The following GABRB3 variants were observed in gnomAD, a reference collection of about 807,000 sequenced individuals.
GABRB3 encodes gamma-aminobutyric acid type A receptor subunit beta3.
A neutral mutation model predicts 52.1 loss-of-function variants in GABRB3; 14 were observed. That is an observed-to-expected ratio of 0.27 (90% CI 0.18 to 0.42). GABRB3 has a LOEUF of 0.42. GABRB3 is among the 10% of genes least tolerant of loss of function. GABRB3 has a pLI of 1.00. For missense variants in GABRB3, 307 were observed against 609.1 expected (o/e 0.50, Z 5.22); for synonymous variants, 260 against 232.3 (o/e 1.12, Z -1.08).
At chr15:26,583,554 A>G (rs1890865137) in intron 4 of GABRB3, 140 bp from the exon 5 acceptor site, 1 of 666,182 alleles carries the variant, frequency 1.5e-6, no homozygotes, top group South Asian at 1.7e-5. Context: ...CTATATATAG[A>G]GAGAAACTTG....
intron 3 of GABRB3, among the ~76,000 whole-genome samples, chr15:26,632,428 T>C (rs1047458543): frequency 5.3e-5 from 8 of 152,224 alleles, no homozygotes; most frequent in Non-Finnish European, 1.2e-4. Flanking sequence ...CCTAAAGCTA[T>C]CTGAAAAGCT....
intron 5 of GABRB3, chr15:26,581,223 G>A (rs890444906): frequency 6.5e-6 from 1 of 153,208 alleles, no homozygotes; most frequent in Non-Finnish European, 1.5e-5. Context: ...AAAACATTAG[G>A]TCAATTTTGT....
At chr15:26,584,762 T>C (rs922605645) in intron 4 of GABRB3, among the ~76,000 whole-genome samples, 1 of 152,144 alleles carries the variant, frequency 6.6e-6, no homozygotes, top group Non-Finnish European at 1.5e-5. Context: ...ACGCAACTAT[T>C]AGGGTTATTA....
Position 26,608,127 on chromosome 15 carries a change from G to A in GABRB3, c.461+13187C>T, listed in dbSNP as rs79894028. ...CAAAAAAAAAAAAAAAGGCACATCC[G>A]CCAATGAAATAGACTAGAGAGCCCA... On this transcript the variant is annotated intron_variant, in intron 4 of 8. Coordinates refer to ENST00000311550, the MANE Select transcript of GABRB3 (RefSeq NM_000814.6). Among the ~76,000 whole-genome samples the A allele has an allele frequency of 8.7e-3, 1,263 of 144,766 alleles. 19 individuals carry two copies. The highest frequency in any genetic ancestry group is 0.03 in the African/African-American group (1,187 of 39,574). 95.0% of individuals were successfully genotyped at this position (144,766 alleles called of 152,430 possible). A position where few individuals can be genotyped will look rare whatever the true frequency, so the allele number is the denominator to read the frequency against.
chr15:26,731,351 T>C (rs8035069), intron 3 of GABRB3, among the ~76,000 whole-genome samples: 30,705 of 152,194 alleles, frequency 0.2, 4,790 homozygotes, highest in African/African-American at 0.43. Context: ...TTACTTTTCA[T>C]TGTATACAGT....
intron 4 of GABRB3, among the ~76,000 whole-genome samples, chr15:26,595,493 G>C (rs984613700): frequency 6.6e-6 from 1 of 152,092 alleles, no homozygotes; most frequent in African/African-American, 2.4e-5. Context: ...TTGGGCATTT[G>C]ACTGGTTACT....
intron 3 of GABRB3, among the ~76,000 whole-genome samples, chr15:26,626,953 C>G (rs1885493173): frequency 6.6e-6 from 1 of 152,176 alleles, no homozygotes; most frequent in African/African-American, 2.4e-5. Context: ...CCATGTCGGA[C>G]TTTCATAGCA....
At chr15:26,615,942 T>C in intron 4 of GABRB3, 2 of 1,288,798 alleles carry the variant, frequency 1.6e-6, no homozygotes, top group South Asian at 1.2e-5. Context: ...TCCTCAGCAG[T>C]ACTTTACAAG....
intron 3 of GABRB3, among the ~76,000 whole-genome samples, chr15:26,708,430 G>A (rs1454504469): frequency 6.6e-6 from 1 of 152,194 alleles, no homozygotes; most frequent in East Asian, 1.9e-4. Flanking sequence ...TGCAGGCACT[G>A]TACTAGGCAG....
intron 4 of GABRB3, among the ~76,000 whole-genome samples, chr15:26,620,549 G>C (rs1264430599): frequency 6.6e-6 from 1 of 152,180 alleles, no homozygotes; most frequent in Non-Finnish European, 1.5e-5. Flanking sequence ...TAGGCCAGGA[G>C]AGCAAGAAAC....
intron 8 of GABRB3, among the ~76,000 whole-genome samples, chr15:26,551,974 G>C (rs1362717464): frequency 6.6e-6 from 1 of 151,922 alleles, no homozygotes; most frequent in African/African-American, 2.4e-5. Context: ...TATCTCAAAA[G>C]CACCTGGAAT....
At chr15:26,624,430 C>T (rs995491806) in intron 3 of GABRB3, 22 of 985,364 alleles carry the variant, frequency 2.2e-5, no homozygotes, top group South Asian at 1.9e-4. Flanking sequence ...AGAGTCCCTC[C>T]GGATGGGCTC....
At chr15:26,616,130 C>A (rs1436384465) in intron 4 of GABRB3, 1 of 1,248,294 alleles carries the variant, frequency 8.0e-7, no homozygotes, top group African/African-American at 1.5e-5. Flanking sequence ...TGCCATGTCA[C>A]CATCCAGCCA....
upstream of GABRB3, chr15:26,773,648 CG>C: frequency 6.4e-7 from 1 of 1,562,922 alleles, no homozygotes; most frequent in African/African-American, 1.4e-5. Context: ...GCCTCACCTG[CG>C]GGGCTCAGAG....
At chr15:26,711,619 G>A (rs1047258399) in intron 3 of GABRB3, among the ~76,000 whole-genome samples, 2 of 152,030 alleles carry the variant, frequency 1.3e-5, no homozygotes, top group African/African-American at 2.4e-5. Context: ...GAGCCTTAGC[G>A]TACAAAGCCC....
In GABRB3 at chr15:26,747,500, T is replaced by C. The variant is rs569593250; in HGVS notation, c.240+24902A>G. Among the ~76,000 whole-genome samples, 218 of 152,366 alleles carry C rather than the reference T, an allele frequency of 1.4e-3. 2 individuals are homozygous for C. Among genetic ancestry groups the C allele is most frequent in the Non-Finnish European group, 2.0e-3 (138 of 68,034 alleles). On this transcript the variant is annotated intron_variant, in intron 3 of 8. Transcript: ENST00000311550. ...AGAGTGATTCTGAATGTTATGTCTTTATTTTAATCTCAGTTCCCACATATT... is the reference window on the plus strand; with the variant it reads ...AGAGTGATTCTGAATGTTATGTCTTCATTTTAATCTCAGTTCCCACATATT...
intron 4 of GABRB3, among the ~76,000 whole-genome samples, chr15:26,606,824 A>ATATCTATC (rs1891850073): frequency 8.5e-6 from 1 of 118,030 alleles, no homozygotes; most frequent in Admixed American, 8.4e-5. Context: ...ATAGATAGAT[A>ATATCTATC]GATAGATAGA....
chr15:26,586,614 G>A (rs937257790), intron 4 of GABRB3, among the ~76,000 whole-genome samples: 1 of 139,628 alleles, frequency 7.2e-6, no homozygotes, highest in Non-Finnish European at 1.5e-5. Flanking sequence ...ATAAAATGGA[G>A]CCCCATTTCA....
chr15:26,718,330 T>A (rs1889553912), intron 3 of GABRB3, among the ~76,000 whole-genome samples: 1 of 152,126 alleles, frequency 6.6e-6, no homozygotes, highest in African/African-American at 2.4e-5. Flanking sequence ...TGCCTCAGCC[T>A]TCCCAAGTAG....
Sources: gnomAD v4.1 joint callset for allele counts (sites outside exome capture counted in the v4.1 genomes callset) on GRCh38, gnomAD v4.1.1 for gene constraint, MANE v1.5 for transcripts, NCBI Gene and HGNC (gene_info 2026-07-23, HGNC 2026-07-21) for gene names.